Variants in BRAF observed in about 807,000 individuals in gnomAD.
BRAF encodes B-Raf proto-oncogene, serine/threonine kinase.
Under a neutral mutation model 104.6 loss-of-function variants are expected in BRAF, and 16 were observed. The observed-to-expected ratio is 0.15, with a 90% CI of 0.10 to 0.23. The LOEUF (loss-of-function observed/expected upper bound fraction) is 0.23, where lower values mean the gene tolerates loss of function less well. Ranked by LOEUF, BRAF falls within the 10% of genes least tolerant of loss-of-function variation. The pLI, the probability that BRAF is intolerant of heterozygous loss-of-function variation, is 1.00. For missense variants in BRAF, 541 were observed against 937.3 expected (o/e 0.58, Z 5.52); for synonymous variants, 310 against 341.6 (o/e 0.91, Z 1.02).
chr7:140,785,811 G>A lies in BRAF; in HGVS notation c.1178-3C>T, dbSNP rs1801295194. The stretch of plus-strand genomic sequence containing the variant: ...GCGCATCAGCTGGTTCAAAGGGGCT[G>A]TTAGAAGAGAAAGAGAGGGGCAGGC... On this transcript the variant is annotated splice_polypyrimidine_tract_variant and splice_region_variant and intron_variant, in intron 9 of 19. Coordinates refer to ENST00000644969, the MANE Select transcript of BRAF (RefSeq NM_001374258.1). 7.5e-6 allele frequency: 3 copies of A among 398,876 alleles called. No individual in the cohort carries two copies. Among genetic ancestry groups the A allele is most frequent in the Admixed American group, 8.8e-5 (2 of 22,710 alleles). 24.7% of individuals were successfully genotyped at this position (398,876 alleles called of 1,614,324 possible).
chr7:140,774,063 G>A (rs190060238), intron 14 of BRAF, among the ~76,000 whole-genome samples: 2 of 152,140 alleles, frequency 1.3e-5, no homozygotes, highest in African/African-American at 4.8e-5. Flanking sequence ...AAGATGTGTC[G>A]GTACATTTAA....
At chr7:140,898,553 T>G (rs1298505345) in intron 1 of BRAF, among the ~76,000 whole-genome samples, 1 of 152,188 alleles carries the variant, frequency 6.6e-6, no homozygotes, top group African/African-American at 2.4e-5. Context: ...ATGAGATAAA[T>G]TTTCCCTTTA....
At chr7:140,734,798 AAAAAAAAAGAAAAAAG>A (rs753056231) in intron 18 of BRAF, 28 bp from the exon 18 acceptor site, 46 of 1,099,030 alleles carry the variant, frequency 4.2e-5, no homozygotes, top group Middle Eastern at 6.9e-4. Context: ...AAAAAAAAAG[AAAAAAAAAGAAAAAAG>A]AAAAAAAAAG....
At chr7:140,836,350 G>A (rs1308985184) in intron 2 of BRAF, 4 of 152,076 alleles carry the variant, frequency 2.6e-5, no homozygotes, top group African/African-American at 7.2e-5. Context: ...GAGTATATAC[G>A]CCATGCTATC....
At chr7:140,864,082 T>G (rs1416717948) in intron 1 of BRAF, among the ~76,000 whole-genome samples, 6 of 152,144 alleles carry the variant, frequency 3.9e-5, no homozygotes, top group Non-Finnish European at 7.3e-5. Context: ...TAATTATCAC[T>G]CTAGTGAAGA....
intron 1 of BRAF, among the ~76,000 whole-genome samples, chr7:140,923,369 T>C (rs1036978927): frequency 4.6e-5 from 7 of 152,192 alleles, no homozygotes; most frequent in Non-Finnish European, 1.0e-4. Flanking sequence ...AATAAAGTAT[T>C]ATTTTCTGTA....
chr7:140,889,731 C>T (rs1359309420), intron 1 of BRAF, among the ~76,000 whole-genome samples: 1 of 152,104 alleles, frequency 6.6e-6, no homozygotes, highest in Admixed American at 6.6e-5. Flanking sequence ...GACAATAATC[C>T]AAATTCAACC....
rs115816831 is a variant in BRAF at position 140,858,734 on chromosome 7, A to G, written c.139-8522T>C. ...ACATATGATATTTTGGTTAAATGAA[A>G]TAATTTCCTTTTTCTTAGGAGATAT... On this transcript the variant is annotated intron_variant, in intron 1 of 19. Transcript: ENST00000644969. Among the ~76,000 whole-genome samples, 1,134 of 152,120 alleles carry G rather than the reference A, an allele frequency of 7.5e-3. 19 individuals are homozygous for G. The highest frequency in any genetic ancestry group is 0.026 in the African/African-American group (1,068 of 41,416).
Position 140,721,093 on chromosome 7 carries a change from TA to T in BRAF, c.*5400del, listed in dbSNP as rs1353253966. ...AATTCTTTAAAAAAAAATGCACCTC[TA>T]AAAAATGGATACACTGGCTTACATT... On this transcript the variant is annotated 3_prime_UTR_variant, in exon 20 of 20. Coordinates refer to ENST00000644969, the MANE Select transcript of BRAF (RefSeq NM_001374258.1). 59 of 1,063,972 alleles carry T rather than the reference TA, an allele frequency of 5.5e-5. No homozygotes were observed. Among genetic ancestry groups the T allele is most frequent in the Non-Finnish European group, 6.7e-5 (59 of 878,566 alleles). The allele number at this position is 1,063,972 out of a possible 1,614,324, so 65.9% of individuals were successfully genotyped here. A position where few individuals can be genotyped will look rare whatever the true frequency, so the allele number is the denominator to read the frequency against.
At chr7:140,753,138 A>G (rs1427866039) in intron 16 of BRAF, 137 bp downstream of exon 15, 5 of 687,274 alleles carry the variant, frequency 7.3e-6, no homozygotes, top group Non-Finnish European at 1.3e-5. Flanking sequence ...ATTTACATAA[A>G]AAATAAGAAC....
At position 140,723,167 on chromosome 7, in the gene BRAF, G is replaced by A; in HGVS notation, c.*3327C>T. 1 of 1,053,462 alleles carries A rather than the reference G, an allele frequency of 9.5e-7. No individual in the cohort carries two copies. Among genetic ancestry groups the A allele is most frequent in the Non-Finnish European group, 1.1e-6 (1 of 872,068 alleles). 65.3% of individuals were successfully genotyped at this position (1,053,462 alleles called of 1,614,324 possible). On this transcript the variant is annotated 3_prime_UTR_variant, in exon 20 of 20. Coordinates refer to ENST00000644969, the MANE Select transcript of BRAF (RefSeq NM_001374258.1). ...GTTTGCAAGCAGCTGGCGGGTGGATGTACAGTGGGGACAGGTGAGATCTGA... is the reference window on the plus strand; with the variant it reads ...GTTTGCAAGCAGCTGGCGGGTGGATATACAGTGGGGACAGGTGAGATCTGA...
At chr7:140,824,973 C>CTT (rs201596326) in intron 3 of BRAF, among the ~76,000 whole-genome samples, 4 of 139,910 alleles carry the variant, frequency 2.9e-5, no homozygotes, top group Non-Finnish European at 3.1e-5. Flanking sequence ...GTTGTTTTTT[C>CTT]TTTTTTTTTT....
chr7:140,740,425 C>G (rs1233059050), intron 17 of BRAF: 1 of 154,100 alleles, frequency 6.5e-6, no homozygotes, highest in Non-Finnish European at 1.4e-5. Flanking sequence ...CGCTAATGGG[C>G]CACTTGGTTA....
chr7:140,850,725 C>T (rs1809071432), intron 1 of BRAF, among the ~76,000 whole-genome samples: 1 of 152,128 alleles, frequency 6.6e-6, no homozygotes, highest in Non-Finnish European at 1.5e-5. Context: ...GCATTCATTT[C>T]ATAGCATTGC....
At chr7:140,903,965 A>T (rs1458215007) in intron 1 of BRAF, among the ~76,000 whole-genome samples, 1 of 152,184 alleles carries the variant, frequency 6.6e-6, no homozygotes, top group Non-Finnish European at 1.5e-5. Flanking sequence ...ATGGATGAGT[A>T]AAAAAAGTGG....
At chr7:140,717,134 G>A (rs1795147301), downstream of BRAF, among the ~76,000 whole-genome samples, 1 of 152,106 alleles carries the variant, frequency 6.6e-6, no homozygotes, top group Non-Finnish European at 1.5e-5. Flanking sequence ...TCCAAATCTC[G>A]TTACAGCCAT....
At chr7:140,835,036 A>G in intron 2 of BRAF, 164 bp from the exon 3 acceptor site, 1 of 726,734 alleles carries the variant, frequency 1.4e-6, no homozygotes, top group Non-Finnish European at 2.3e-6. Context: ...GAATACTTTC[A>G]CCTTTAAATT....
chr7:140,758,864 AG>A (rs762487315), intron 14 of BRAF, among the ~76,000 whole-genome samples: 15 of 152,252 alleles, frequency 9.9e-5, no homozygotes, highest in Non-Finnish European at 2.1e-4. Flanking sequence ...TGTAATGACC[AG>A]TCACAATCAA....
chr7:140,722,776 T>G lies in BRAF; in HGVS notation c.*3718A>C. On this transcript the variant is annotated 3_prime_UTR_variant, in exon 20 of 20. Coordinates refer to ENST00000644969, the MANE Select transcript of BRAF (RefSeq NM_001374258.1). ...TGCCAAGCCTACTGAAAATTAAAAT[T>G]ACATCACTGTTAGTGAAGTGATACC... 1.4e-5 allele frequency: 15 copies of G among 1,051,910 alleles called. No homozygotes were observed. Among genetic ancestry groups the G allele is most frequent in the Non-Finnish European group, 1.7e-5 (15 of 870,872 alleles). 65.2% of individuals were successfully genotyped at this position (1,051,910 alleles called of 1,614,324 possible).
Sources: allele counts gnomAD v4.1 joint callset (sites outside exome capture counted in the v4.1 genomes callset), GRCh38; gene constraint gnomAD v4.1.1; transcripts MANE v1.5; gene names NCBI Gene and HGNC (gene_info 2026-07-23, HGNC 2026-07-21).